ZMIZ1: variants seen among roughly 807,000 people sequenced by gnomAD.
ZMIZ1 encodes the protein zinc finger MIZ-type containing 1.
ZMIZ1 carries 17 observed loss-of-function variants against 113.9 expected under a neutral mutation model. The observed-to-expected ratio is 0.15, with a 90% CI of 0.10 to 0.22. ZMIZ1 has a LOEUF of 0.22. Ranked by LOEUF, ZMIZ1 falls within the 10% of genes least tolerant of loss-of-function variation. The pLI is 1.00. For missense variants in ZMIZ1, 1,059 were observed against 1,477.8 expected (o/e 0.72, Z 4.65); for synonymous variants, 607 against 603.1 (o/e 1.01, Z -0.09).
intron 8 of ZMIZ1, among the ~76,000 whole-genome samples, chr10:79,279,935 A>G (rs1015094575): frequency 6.6e-6 from 1 of 151,714 alleles, no homozygotes; most frequent in Non-Finnish European, 1.5e-5. Flanking sequence ...TCGGCTAGGT[A>G]TCAGAGGGAG....
chr10:79,219,049 G>T (rs376154478), intron 7 of ZMIZ1, among the ~76,000 whole-genome samples: 2 of 152,086 alleles, frequency 1.3e-5, no homozygotes, highest in African/African-American at 2.4e-5. Flanking sequence ...GGGGTGGGGG[G>T]ACGTGGAGGC....
chr10:79,246,036 G>T (rs890770588), intron 7 of ZMIZ1, among the ~76,000 whole-genome samples: 5 of 152,278 alleles, frequency 3.3e-5, no homozygotes, highest in Non-Finnish European at 5.9e-5. Flanking sequence ...GAGTCTGTTA[G>T]ATAAAGAGAC....
intron 4 of ZMIZ1, among the ~76,000 whole-genome samples, chr10:79,165,188 T>G: frequency 6.6e-6 from 1 of 152,106 alleles, no homozygotes; most frequent in East Asian, 1.9e-4. Flanking sequence ...CTTTCTGGGA[T>G]TTGGGCCACG....
chr10:79,151,863 C>T (rs1025410167), intron 3 of ZMIZ1, among the ~76,000 whole-genome samples: 6 of 152,138 alleles, frequency 3.9e-5, no homozygotes, highest in African/African-American at 9.7e-5. Context: ...GGTGGAGTCA[C>T]GGGCTGGGTG....
intron 6 of ZMIZ1, among the ~76,000 whole-genome samples, chr10:79,212,911 G>A (rs1384879660): frequency 3.9e-5 from 6 of 152,036 alleles, no homozygotes; most frequent in African/African-American, 4.8e-5. Context: ...CAAGTTCTCC[G>A]TCTTGTGTCT....
intron 4 of ZMIZ1, among the ~76,000 whole-genome samples, 165 bp downstream of exon 4, chr10:79,162,298 A>G (rs764956612): frequency 7.9e-5 from 12 of 152,308 alleles, no homozygotes; most frequent in Admixed American, 1.3e-4. Flanking sequence ...CATGCCCCCA[A>G]TGGGCTGTCC....
At chr10:79,141,996 A>G (rs1256624179) in intron 3 of ZMIZ1, among the ~76,000 whole-genome samples, 2 of 152,180 alleles carry the variant, frequency 1.3e-5, no homozygotes, top group African/African-American at 2.4e-5. Flanking sequence ...AAGGCTGAAT[A>G]TATTTCAGAG....
intron 24 of ZMIZ1, 90 bp downstream of exon 24, chr10:79,311,274 C>G (rs535933869): frequency 1.3e-6 from 2 of 1,484,104 alleles, no homozygotes; most frequent in South Asian, 2.7e-5. Context: ...GGGCTCGAGG[C>G]CCCGAAGGGA....
intron 7 of ZMIZ1, among the ~76,000 whole-genome samples, chr10:79,225,581 T>TA (rs1398733033): frequency 6.6e-6 from 1 of 151,536 alleles, no homozygotes. Context: ...TTTTTTTAAT[T>TA]AAAAAAAAGG....
At chr10:79,199,931 C>T (rs541554514) in intron 4 of ZMIZ1, among the ~76,000 whole-genome samples, 17 of 152,286 alleles carry the variant, frequency 1.1e-4, no homozygotes, top group South Asian at 8.3e-4. Flanking sequence ...CCTCAACAAG[C>T]GTGTGTAGAA....
intron 8 of ZMIZ1, among the ~76,000 whole-genome samples, chr10:79,279,815 A>G (rs1852588572): frequency 1.3e-5 from 2 of 152,170 alleles, no homozygotes; most frequent in South Asian, 4.2e-4. Flanking sequence ...TAGGAAAACC[A>G]GTCAGGCATG....
chr10:79,136,320 G>C (rs1406431937), intron 2 of ZMIZ1, among the ~76,000 whole-genome samples: 1 of 152,242 alleles, frequency 6.6e-6, no homozygotes, highest in Non-Finnish European at 1.5e-5. Flanking sequence ...GGACCCCCCA[G>C]CCTGTCCCAG....
chr10:79,293,978 T>A (rs1188203620), intron 12 of ZMIZ1: 1 of 438,346 alleles, frequency 2.3e-6, no homozygotes, highest in Non-Finnish European at 4.2e-6. Context: ...TTGTCTTGGC[T>A]CAGCCACTAA....
chr10:79,239,009 T>C (rs778858533), intron 7 of ZMIZ1, among the ~76,000 whole-genome samples: 6 of 152,154 alleles, frequency 3.9e-5, no homozygotes, highest in African/African-American at 1.2e-4. Context: ...ATGCCTGCAT[T>C]GGCCAGGAGC....
chr10:79,236,540 A>G (rs1849597922), intron 7 of ZMIZ1, among the ~76,000 whole-genome samples: 1 of 152,164 alleles, frequency 6.6e-6, no homozygotes, highest in South Asian at 2.1e-4. Flanking sequence ...GACTCCAGAA[A>G]TCAATGGGAA....
intron 4 of ZMIZ1, among the ~76,000 whole-genome samples, chr10:79,193,466 G>A (rs1847692987): frequency 6.6e-6 from 1 of 152,194 alleles, no homozygotes; most frequent in South Asian, 2.1e-4. Context: ...GCTGGGTGAT[G>A]GGTTTTTCAG....
rs995502852 is a variant in ZMIZ1, at chr10:79,314,828, ACGC to A, written c.*2081_*2083del. The A allele has an allele frequency of 2.6e-5, 4 of 154,478 alleles. No individual in the cohort carries two copies. Among genetic ancestry groups the A allele is most frequent in the African/African-American group, 9.6e-5 (4 of 41,594 alleles). 9.6% of individuals were successfully genotyped at this position (154,478 alleles called of 1,614,324 possible). The stretch of plus-strand genomic sequence containing the variant: ...TCAGTCAGCTGGCAGGGACAAGCCA[ACGC>A]CAGGTAGCATGTGGCCACCCTTGCC... On this transcript the variant is annotated 3_prime_UTR_variant, in exon 25 of 25. Transcript: ENST00000334512.
In ZMIZ1 at chr10:79,273,701, A is replaced by T. The variant is rs566144544; in HGVS notation, c.281-3480A>T. 3.3e-5 allele frequency among the ~76,000 whole-genome samples: 5 copies of T among 152,312 alleles called. No homozygotes were observed. The South Asian group carries it at 1.0e-3, about 32-fold the overall frequency. The stretch of plus-strand genomic sequence containing the variant: ...ACAGGCAGAAGGCCTCCCCATGTTG[A>T]CACCCCAGATTGGAAGGGGCCCAAA... On this transcript the variant is annotated intron_variant, in intron 7 of 24. Coordinates refer to ENST00000334512, the MANE Select transcript of ZMIZ1 (RefSeq NM_020338.4).
chr10:79,265,568 A>T (rs1431534029), intron 7 of ZMIZ1, among the ~76,000 whole-genome samples: 1 of 150,474 alleles, frequency 6.6e-6, no homozygotes, highest in African/African-American at 2.5e-5. Context: ...GGAGGAGCTG[A>T]AACTCAGTTC....
Sources: gnomAD v4.1 joint callset for allele counts (sites outside exome capture counted in the v4.1 genomes callset) on GRCh38, gnomAD v4.1.1 for gene constraint, MANE v1.5 for transcripts, NCBI Gene and HGNC (gene_info 2026-07-23, HGNC 2026-07-21) for gene names.